MCTP2: variants seen among roughly 807,000 people sequenced by gnomAD.
MCTP2 encodes the protein multiple C2 and transmembrane domain-containing protein 2.
MCTP2 carries 132 observed loss-of-function variants against 111.6 expected under a neutral mutation model. The ratio of observed to expected loss-of-function variants is 1.18; its 90% CI spans 1.03 to 1.37. MCTP2 has a LOEUF of 1.37. Among genes scored for constraint, MCTP2 ranks in the 40% most tolerant of loss-of-function variants. MCTP2 has a pLI of 0.00. For synonymous variants in MCTP2, 395 were observed against 387.7 expected, an observed-to-expected ratio of 1.02 and a Z score of -0.22; for missense variants, 1,183 against 1,067.9, an observed-to-expected ratio of 1.11 and a Z score of -1.50.
chr15:94,327,015 C>CTG (rs35851656), intron 4 of MCTP2, among the ~76,000 whole-genome samples: 136,409 of 151,944 alleles, frequency 0.9, 61,270 homozygotes, highest in East Asian at 0.99. Flanking sequence ...CCATGCATCA[C>CTG]TTGTTCATTC....
rs1350951325 is a variant in MCTP2 at position 94,483,052 on chromosome 15, A to G, written c.*4018A>G. The G allele has an allele frequency of 6.6e-6, 1 of 152,180 alleles. No homozygotes were observed. Among genetic ancestry groups the G allele is most frequent in the Non-Finnish European group, 1.5e-5 (1 of 68,046 alleles). The allele number at this position is 152,180 out of a possible 1,614,324, so 9.4% of individuals were successfully genotyped here. A position where few individuals can be genotyped will look rare whatever the true frequency, so the allele number is the denominator to read the frequency against. ...TCTGAATGGAGGTAACCCTTGAAAAATTCCACTGTGGAGAAGAAAGGAGAG... is the reference window on the plus strand; with the variant it reads ...TCTGAATGGAGGTAACCCTTGAAAAGTTCCACTGTGGAGAAGAAAGGAGAG... On this transcript the variant is annotated 3_prime_UTR_variant, in exon 23 of 23. Coordinates refer to ENST00000357742, the MANE Select transcript of MCTP2 (RefSeq NM_001385001.1).
At chr15:94,364,969 A>T (rs981404889) in intron 10 of MCTP2, among the ~76,000 whole-genome samples, 1 of 152,162 alleles carries the variant, frequency 6.6e-6, no homozygotes, top group Admixed American at 6.5e-5. Context: ...ATGTGGAAAT[A>T]AATGGGGACA....
intron 16 of MCTP2, among the ~76,000 whole-genome samples, chr15:94,400,856 A>G (rs2081550528): frequency 6.6e-6 from 1 of 152,184 alleles, no homozygotes; most frequent in African/African-American, 2.4e-5. Context: ...TTCTGGGCAT[A>G]CTTGGGAAAG....
chr15:94,346,268 C>G (rs926476713), intron 8 of MCTP2, among the ~76,000 whole-genome samples: 7 of 152,044 alleles, frequency 4.6e-5, no homozygotes, highest in African/African-American at 7.2e-5. Context: ...AAAGATATAC[C>G]CTTTGCATTA....
At chr15:94,237,298 C>T (rs936007646) in intron 1 of MCTP2, among the ~76,000 whole-genome samples, 5 of 152,050 alleles carry the variant, frequency 3.3e-5, no homozygotes, top group Non-Finnish European at 5.9e-5. Context: ...CATTCTTCAG[C>T]GAGTGGAGAT....
chr15:94,403,586 A>G (rs1035367176), intron 17 of MCTP2, among the ~76,000 whole-genome samples: 2 of 152,222 alleles, frequency 1.3e-5, no homozygotes, highest in Non-Finnish European at 2.9e-5. Context: ...GATGACAGAA[A>G]TGATTAATGG....
At chr15:94,398,877 T>C in intron 14 of MCTP2, 84 bp from the exon 15 acceptor site, 1 of 730,466 alleles carries the variant, frequency 1.4e-6, no homozygotes, top group East Asian at 2.5e-5. Flanking sequence ...CATCCCCAAT[T>C]TTGCCAAAGT....
chr15:94,242,172 ACTGGGG>A (rs1388954997), intron 1 of MCTP2, among the ~76,000 whole-genome samples: 1 of 152,086 alleles, frequency 6.6e-6, no homozygotes, highest in Non-Finnish European at 1.5e-5. Flanking sequence ...CCACCTTGTT[ACTGGGG>A]AAAGACTGGG....
chr15:94,389,053 G>A (rs563025904), intron 14 of MCTP2, among the ~76,000 whole-genome samples: 2 of 152,296 alleles, frequency 1.3e-5, no homozygotes, highest in South Asian at 2.1e-4. Context: ...CAATAAACAC[G>A]TAAGACCCAA....
At chr15:94,446,797 A>G (rs898509557) in intron 19 of MCTP2, among the ~76,000 whole-genome samples, 6 of 152,374 alleles carry the variant, frequency 3.9e-5, no homozygotes, top group African/African-American at 1.4e-4. Flanking sequence ...TGTCAGAAAC[A>G]GGACTTGAAT....
At chr15:94,302,497 C>G (rs746133074) in intron 2 of MCTP2, among the ~76,000 whole-genome samples, 1 of 152,114 alleles carries the variant, frequency 6.6e-6, no homozygotes, top group Non-Finnish European at 1.5e-5. Flanking sequence ...TTGCAAATGC[C>G]AAATCCAGCT....
chr15:94,303,944 A>G (rs1333096622), intron 2 of MCTP2, among the ~76,000 whole-genome samples: 1 of 152,142 alleles, frequency 6.6e-6, no homozygotes, highest in East Asian at 1.9e-4. Context: ...TTACAACAGG[A>G]AGAGGAGGTA....
chr15:94,267,869 CT>C (rs755287019), intron 1 of MCTP2, among the ~76,000 whole-genome samples: 17 of 77,448 alleles, frequency 2.2e-4, no homozygotes, highest in Admixed American at 1.1e-3. Flanking sequence ...CCTTTTCTTT[CT>C]TTTTTTTTTT....
At chr15:94,386,806 A>ACAAAG (rs1356247600) in intron 14 of MCTP2, among the ~76,000 whole-genome samples, 1 of 151,864 alleles carries the variant, frequency 6.6e-6, no homozygotes, top group Non-Finnish European at 1.5e-5. Flanking sequence ...TGACTTAAAA[A>ACAAAG]CAAAACAAAA....
chr15:94,245,036 A>G lies in MCTP2; in HGVS notation c.-66+13372A>G, dbSNP rs531615176. On this transcript the variant is annotated intron_variant, in intron 1 of 22. Transcript: ENST00000357742. ...CACATACATATGCACCTATGTTTAT[A>G]TACGTATATGTATACACATACATAT... Among the ~76,000 whole-genome samples the G allele has an allele frequency of 2.2e-3, 319 of 142,764 alleles. 5 individuals carry two copies. Among genetic ancestry groups the G allele is most frequent in the African/African-American group, 8.9e-3 (307 of 34,408 alleles). 93.7% of individuals were successfully genotyped at this position (142,764 alleles called of 152,430 possible).
intron 19 of MCTP2, among the ~76,000 whole-genome samples, chr15:94,444,048 T>C (rs1457454919): frequency 1.4e-5 from 2 of 144,576 alleles, no homozygotes; most frequent in African/African-American, 5.2e-5. Flanking sequence ...TATGAGGTGA[T>C]AACTGCAAGT....
rs767360399 is a variant in MCTP2 at position 94,315,570 on chromosome 15, C to T, written c.570C>T (p.Ser190=). The change falls in exon 4 of 23, where the codon AGC becomes AGT. Residue 190 remains serine, a synonymous_variant. Coordinates refer to ENST00000357742, the MANE Select transcript of MCTP2 (RefSeq NM_001385001.1). ...EASDGLSNLP[S]PFAYLLTIHL... is the part of the protein sequence containing the mutation. ...GTGATGGCTTGAGTAACCTCCCCAGCCCTTTTGCGTACCTCCTCACCATAC... is the reference window on the plus strand; with the variant it reads ...GTGATGGCTTGAGTAACCTCCCCAGTCCTTTTGCGTACCTCCTCACCATAC... 2.0e-5 allele frequency: 32 copies of T among 1,614,022 alleles called. No individual in the cohort carries two copies. The South Asian group carries it at 3.0e-4, about 15-fold the overall frequency.
chr15:94,351,139 GTA>G (rs2078281990), intron 8 of MCTP2, among the ~76,000 whole-genome samples: 1 of 152,118 alleles, frequency 6.6e-6, no homozygotes, highest in African/African-American at 2.4e-5. Context: ...TTATCTACAA[GTA>G]TAAATTGCAA....
At chr15:94,279,568 G>A (rs946605592) in intron 1 of MCTP2, among the ~76,000 whole-genome samples, 9 of 152,052 alleles carry the variant, frequency 5.9e-5, no homozygotes, top group South Asian at 4.1e-4. Flanking sequence ...AAGAGAGATA[G>A]TTTGACTTCC....
Sources: allele counts gnomAD v4.1 joint callset (sites outside exome capture counted in the v4.1 genomes callset), GRCh38; gene constraint gnomAD v4.1.1; transcripts MANE v1.5; gene names NCBI Gene and HGNC (gene_info 2026-07-23, HGNC 2026-07-21).